Variants in CLEC4A observed in about 807,000 individuals in gnomAD.
CLEC4A encodes the protein C-type lectin domain family 4 member A, also known as C-type (calcium dependent, carbohydrate-recognition domain) lectin, superfamily member 6.
Under a neutral mutation model 32.7 loss-of-function variants are expected in CLEC4A, and 27 were observed. The ratio of observed to expected loss-of-function variants is 0.83; its 90% CI spans 0.61 to 1.14. The LOEUF (loss-of-function observed/expected upper bound fraction) is 1.14. Ranked by LOEUF, CLEC4A falls within the 50% of genes most tolerant of loss-of-function variation. The pLI, the probability that CLEC4A is intolerant of heterozygous loss-of-function variation, is 0.00. For missense variants in CLEC4A, 253 were observed against 274.6 expected (o/e 0.92, Z 0.55); for synonymous variants, 89 against 93.7 (o/e 0.95, Z 0.29).
At chr12:8,119,622 T>C (rs754092296), upstream of CLEC4A, among the ~76,000 whole-genome samples, 76 of 152,388 alleles carry the variant, frequency 5.0e-4, no homozygotes, top group African/African-American at 1.7e-3. Flanking sequence ...TCCTTACTTC[T>C]AAATACTGAG....
chr12:8,123,309 C>T (rs1328144904), upstream of CLEC4A, among the ~76,000 whole-genome samples: 2 of 152,110 alleles, frequency 1.3e-5, no homozygotes, highest in African/African-American at 2.4e-5. Flanking sequence ...GCCATCCCCA[C>T]CATGCTACAG....
At chr12:8,137,334 A>T (rs1948140171) in intron 5 of CLEC4A, among the ~76,000 whole-genome samples, 1 of 152,086 alleles carries the variant, frequency 6.6e-6, no homozygotes, top group African/African-American at 2.4e-5. Context: ...GCTGGAGTGC[A>T]GTGGTGCAAT....
chr12:8,128,603 G>A (rs1011246061), intron 2 of CLEC4A, among the ~76,000 whole-genome samples: 1 of 152,036 alleles, frequency 6.6e-6, no homozygotes, highest in African/African-American at 2.4e-5. Flanking sequence ...TAGAGACGAG[G>A]TTTCACCATC....
the CLEC4A span, among the ~76,000 whole-genome samples, chr12:8,116,828 T>C: frequency 2.6e-5 from 4 of 152,182 alleles, no homozygotes; most frequent in South Asian, 2.1e-4. Flanking sequence ...TTTGTGGGGA[T>C]AGGAAACTTC....
chr12:8,129,233 G>C (rs771867260), intron 2 of CLEC4A, 31 bp from the exon 3 acceptor site: 1 of 1,373,742 alleles, frequency 7.3e-7, no homozygotes, highest in African/African-American at 1.5e-5. Context: ...ATGCTACCAG[G>C]AAAATAAATG....
rs1298476918 is a variant in CLEC4A at position 8,138,377 on chromosome 12, G to A, written c.*90G>A. ...CTCTTCTTATTCATGTGTAAGGGAG[G>A]TCCATAGAATTTAGGTGGTCTGTCA... On this transcript the variant is annotated 3_prime_UTR_variant, in exon 6 of 6. Coordinates refer to ENST00000229332, the MANE Select transcript of CLEC4A (RefSeq NM_016184.4). 12 of 1,487,756 alleles carry A rather than the reference G, an allele frequency of 8.1e-6. No homozygotes were observed. Among genetic ancestry groups the A allele is most frequent in the Non-Finnish European group, 9.2e-6 (10 of 1,090,110 alleles). 92.2% of individuals were successfully genotyped at this position (1,487,756 alleles called of 1,614,324 possible). A position where few individuals can be genotyped will look rare whatever the true frequency, so the allele number is the denominator to read the frequency against.
At chr12:8,106,221 C>T in the CLEC4A span, among the ~76,000 whole-genome samples, 2 of 152,078 alleles carry the variant, frequency 1.3e-5, no homozygotes, top group South Asian at 2.1e-4. Context: ...TATTTCTGGA[C>T]TCTCTATTCT....
At chr12:8,126,294 T>G (rs1265242407) in intron 2 of CLEC4A, among the ~76,000 whole-genome samples, 1 of 151,906 alleles carries the variant, frequency 6.6e-6, no homozygotes, top group Non-Finnish European at 1.5e-5. Flanking sequence ...AACCTCCACC[T>G]CCCAGGTTCA....
intron 5 of CLEC4A, 42 bp downstream of exon 5, chr12:8,136,945 A>G (rs370567213): frequency 2.6e-5 from 35 of 1,354,578 alleles, no homozygotes; most frequent in Non-Finnish European, 3.1e-5. Flanking sequence ...GTCCTGGATC[A>G]TGCAGAGAGC....
the CLEC4A span, among the ~76,000 whole-genome samples, chr12:8,110,930 G>A: frequency 6.6e-6 from 1 of 151,800 alleles, no homozygotes; most frequent in Non-Finnish European, 1.5e-5. Flanking sequence ...CTGGAGTGCA[G>A]TGGTGTGATC....
chr12:8,113,750 G>A, the CLEC4A span, among the ~76,000 whole-genome samples: 2 of 152,200 alleles, frequency 1.3e-5, no homozygotes, highest in Non-Finnish European at 2.9e-5. Flanking sequence ...GACTAGAAGA[G>A]TTAAATGGGG....
chr12:8,127,748 T>C (rs1250049281), intron 2 of CLEC4A, among the ~76,000 whole-genome samples: 1 of 152,030 alleles, frequency 6.6e-6, no homozygotes, highest in Non-Finnish European at 1.5e-5. Context: ...ATAAAGGAGG[T>C]AGAGGCTTGA....
chr12:8,132,112 C>A (rs1948008891), intron 3 of CLEC4A, among the ~76,000 whole-genome samples: 1 of 152,034 alleles, frequency 6.6e-6, no homozygotes, highest in South Asian at 2.1e-4. Context: ...TTTGTAGTTC[C>A]AGCTTTGGAC....
At chr12:8,118,189 A>G in the CLEC4A span, among the ~76,000 whole-genome samples, 1 of 152,244 alleles carries the variant, frequency 6.6e-6, no homozygotes, top group Non-Finnish European at 1.5e-5. Context: ...AAGAAAAGTC[A>G]TTTATGCATT....
At chr12:8,107,763 ATCT>A in the CLEC4A span, among the ~76,000 whole-genome samples, 1 of 141,006 alleles carries the variant, frequency 7.1e-6, no homozygotes, top group Non-Finnish European at 1.5e-5. Context: ...ATTTATATCG[ATCT>A]TCTGCTTTTT....
At chr12:8,134,819 G>A (rs2120623905) in intron 3 of CLEC4A, 1 of 1,551,262 alleles carries the variant, frequency 6.4e-7, no homozygotes, top group Non-Finnish European at 8.7e-7. Context: ...GAGGGGGTGA[G>A]AAGGCGAAAT....
chr12:8,124,804 G>A (rs1403120273), intron 1 of CLEC4A, among the ~76,000 whole-genome samples: 1 of 152,046 alleles, frequency 6.6e-6, no homozygotes, highest in Non-Finnish European at 1.5e-5. Context: ...ATTAACCAGA[G>A]GTACACAGAT....
chr12:8,106,373 T>C, the CLEC4A span, among the ~76,000 whole-genome samples: 2 of 152,210 alleles, frequency 1.3e-5, no homozygotes, highest in Non-Finnish European at 2.9e-5. Context: ...CTATTTGAGC[T>C]CTTTTTTGGT....
chr12:8,129,293 G>GA lies in CLEC4A; in HGVS notation c.236dup (p.Thr80AspfsTer35), dbSNP rs1182229842. On this transcript the variant is annotated frameshift_variant, in exon 3 of 6. Transcript: ENST00000229332. LOFTEE classifies it high-confidence loss of function. ...CTTTCAAAAATATTCTCAGCTTCTT[G>GA]AAAAAAAGACTACAAAAGAGCTGGT... 6.2e-7 allele frequency: 1 copy of GA among 1,603,118 alleles called. No individual in the cohort carries two copies. The highest frequency in any genetic ancestry group is 1.7e-5 in the Admixed American group (1 of 57,416).
Sources: allele counts gnomAD v4.1 joint callset (sites outside exome capture counted in the v4.1 genomes callset), GRCh38; gene constraint gnomAD v4.1.1; transcripts MANE v1.5; gene names NCBI Gene and HGNC (gene_info 2026-07-23, HGNC 2026-07-21).